Variants in CCDC7 observed in about 807,000 individuals in gnomAD.
The protein encoded by CCDC7 is coiled-coil domain containing 7.
CCDC7 carries 183 observed loss-of-function variants against 196.9 expected under a neutral mutation model. The ratio of observed to expected loss-of-function variants is 0.93; its 90% CI spans 0.82 to 1.05. The LOEUF (loss-of-function observed/expected upper bound fraction) is 1.05, where lower values mean the gene tolerates loss of function less well. Ranked by LOEUF, CCDC7 falls within the 50% of genes least tolerant of loss-of-function variation. The pLI, the probability that CCDC7 is intolerant of heterozygous loss-of-function variation, is 0.00. For synonymous variants in CCDC7, 525 were observed against 484.6 expected (o/e 1.08, Z -1.10); for missense variants, 1,540 against 1,482.2 (o/e 1.04, Z -0.64).
At chr10:32,627,611 A>G (rs1318172581) in intron 18 of CCDC7, among the ~76,000 whole-genome samples, 1 of 151,836 alleles carries the variant, frequency 6.6e-6, no homozygotes, top group Non-Finnish European at 1.5e-5. Flanking sequence ...AAGGCTTTCA[A>G]TTTTTAACTA....
intron 32 of CCDC7, among the ~76,000 whole-genome samples, chr10:32,826,649 A>C (rs1272999895): frequency 1.3e-5 from 2 of 152,218 alleles, no homozygotes; most frequent in Non-Finnish European, 2.9e-5. Context: ...CAATGGCCTC[A>C]TGGGGAGTTC....
At chr10:32,569,898 C>CT (rs2057345069) in intron 15 of CCDC7, among the ~76,000 whole-genome samples, 1 of 152,102 alleles carries the variant, frequency 6.6e-6, no homozygotes, top group African/African-American at 2.4e-5. Flanking sequence ...TGGGACACCT[C>CT]TTTTGTCTCC....
chr10:32,662,544 T>C (rs2140422327), intron 20 of CCDC7, among the ~76,000 whole-genome samples: 1 of 152,282 alleles, frequency 6.6e-6, no homozygotes, highest in South Asian at 2.1e-4. Context: ...TAAATGATGA[T>C]AAGCATCTAA....
rs547142565 is a variant in CCDC7 at position 32,764,234 on chromosome 10, C to G, written c.2906-14743C>G. 4.6e-5 allele frequency among the ~76,000 whole-genome samples: 7 copies of G among 151,200 alleles called. No individual in the cohort carries two copies. In the South Asian group the frequency reaches 6.3e-4, roughly 14 times the overall value. On this transcript the variant is annotated intron_variant, in intron 28 of 41. Transcript: ENST00000639629. Reference sequence around the variant, plus strand: ...CCACCACCCTCTTTTGCTTGTAGACCTATAATTAGACACAAGTCCCACCAG... The same window carrying G: ...CCACCACCCTCTTTTGCTTGTAGACGTATAATTAGACACAAGTCCCACCAG...
chr10:32,845,017 A>T (rs907404970), intron 33 of CCDC7, among the ~76,000 whole-genome samples: 2 of 151,496 alleles, frequency 1.3e-5, no homozygotes, highest in African/African-American at 2.4e-5. Context: ...CACAATTTAA[A>T]TGTCACCAAG....
exon 23 of CCDC7, chr10:32,689,156 A>C (rs1565148141): frequency 1.3e-6 from 2 of 1,534,962 alleles, no homozygotes; most frequent in Non-Finnish European, 1.8e-6. Context: ...AAGGGCAAAG[A>C]ATTATTAGTA....
intron 9 of CCDC7, among the ~76,000 whole-genome samples, chr10:32,492,361 AACAGAGTGTTGAAG>A (rs1433468833): frequency 6.6e-6 from 1 of 152,200 alleles, no homozygotes; most frequent in Non-Finnish European, 1.5e-5. Context: ...CAAAATTGAA[AACAGAGTGTTGAAG>A]GGATATTTGT....
At chr10:32,453,417 A>T in exon 2 of CCDC7, 1 of 1,547,250 alleles carries the variant, frequency 6.5e-7, no homozygotes, top group African/African-American at 1.4e-5. Context: ...AAGCATGAAC[A>T]TGAAGAATTA....
chr10:32,477,627 G>A (rs1191517052), intron 8 of CCDC7, among the ~76,000 whole-genome samples: 3 of 151,778 alleles, frequency 2.0e-5, no homozygotes, highest in Non-Finnish European at 2.9e-5. Flanking sequence ...TCTTCATTGA[G>A]TTGCCTTTGT....
chr10:32,845,536 T>A lies in CCDC7; in HGVS notation c.3437-7T>A. On this transcript the variant is annotated splice_polypyrimidine_tract_variant and splice_region_variant and intron_variant, in intron 34 of 41. Coordinates refer to ENST00000639629, the Ensembl canonical transcript of CCDC7. Reference sequence around the variant, plus strand: ...AAAATATACTGAAATCTGTTTTATTTCTATAGAGACTGATAAGAACTTCTT... The same window carrying A: ...AAAATATACTGAAATCTGTTTTATTACTATAGAGACTGATAAGAACTTCTT... 1 of 1,596,750 alleles carries A rather than the reference T, an allele frequency of 6.3e-7. No homozygotes were observed. Among genetic ancestry groups the A allele is most frequent in the South Asian group, 1.1e-5 (1 of 89,362 alleles).
intron 25 of CCDC7, among the ~76,000 whole-genome samples, chr10:32,719,990 A>G (rs1353089133): frequency 6.6e-6 from 1 of 152,182 alleles, no homozygotes; most frequent in Non-Finnish European, 1.5e-5. Context: ...AACTAGAAAT[A>G]CCATTTGACC....
chr10:32,678,153 A>C (rs530659821), intron 21 of CCDC7, among the ~76,000 whole-genome samples: 14 of 151,962 alleles, frequency 9.2e-5, no homozygotes, highest in African/African-American at 3.4e-4. Flanking sequence ...GCTGTATTCT[A>C]TTTTAGTTCA....
At chr10:32,626,059 G>A (rs1193733115) in intron 18 of CCDC7, among the ~76,000 whole-genome samples, 2 of 151,974 alleles carry the variant, frequency 1.3e-5, no homozygotes, top group Non-Finnish European at 2.9e-5. Flanking sequence ...TTGACAAACG[G>A]GTTTTAAACT....
chr10:32,571,778 T>G, intron 15 of CCDC7, 81 bp from the exon 17 acceptor site: 1 of 1,292,988 alleles, frequency 7.7e-7, no homozygotes, highest in Non-Finnish European at 1.0e-6. Flanking sequence ...AAAACTACCT[T>G]AAATGATATT....
At chr10:32,497,661 T>C (rs1333885216) in intron 9 of CCDC7, among the ~76,000 whole-genome samples, 1 of 152,220 alleles carries the variant, frequency 6.6e-6, no homozygotes, top group Non-Finnish European at 1.5e-5. Flanking sequence ...CCAGTAGTCA[T>C]TCAGGAGTAA....
Position 32,703,949 on chromosome 10 carries a change from C to A in CCDC7, c.2459-7671C>A, listed in dbSNP as rs191410087. 7.4e-3 allele frequency among the ~76,000 whole-genome samples: 1,133 copies of A among 152,092 alleles called. 22 individuals carry two copies. The highest frequency in any genetic ancestry group is 0.013 in the Non-Finnish European group (890 of 67,976). ...TTTTCAAGGTTTTTAACTTCTTTGC[C>A]ATGGGTTAGAACTTCCTCCTTTAGC... is the stretch of plus-strand genomic sequence containing the variant. On this transcript the variant is annotated intron_variant, in intron 24 of 41. Coordinates refer to ENST00000639629, the Ensembl canonical transcript of CCDC7.
At chr10:32,505,017 CTAT>C (rs747117331) in intron 9 of CCDC7, among the ~76,000 whole-genome samples, 21 of 152,088 alleles carry the variant, frequency 1.4e-4, no homozygotes, top group South Asian at 4.2e-4. Flanking sequence ...TGTAAATAGG[CTAT>C]TATTATATTG....
intron 31 of CCDC7, among the ~76,000 whole-genome samples, chr10:32,819,452 C>G (rs12259341): frequency 0.11 from 16,010 of 152,174 alleles, 1,040 homozygotes; most frequent in South Asian, 0.25. Context: ...GGAATCCTCC[C>G]TAACTCATTT....
At chr10:32,642,604 C>T (rs2067031178) in intron 20 of CCDC7, among the ~76,000 whole-genome samples, 1 of 152,190 alleles carries the variant, frequency 6.6e-6, no homozygotes, top group African/African-American at 2.4e-5. Context: ...TTTGCACTTC[C>T]CAGGTGAGGT....
Sources: gnomAD v4.1 joint callset for allele counts (sites outside exome capture counted in the v4.1 genomes callset) on GRCh38, gnomAD v4.1.1 for gene constraint, MANE v1.5 for transcripts, NCBI Gene and HGNC (gene_info 2026-07-23, HGNC 2026-07-21) for gene names.